The following GABBR2 variants were observed in gnomAD, a reference collection of about 807,000 sequenced individuals.
GABBR2 encodes gamma-aminobutyric acid type B receptor subunit 2.
Under a neutral mutation model 105.6 loss-of-function variants are expected in GABBR2, and 23 were observed. That is an observed-to-expected ratio of 0.22 (90% CI 0.16 to 0.31). The LOEUF is 0.31. GABBR2 is among the 10% of genes least tolerant of loss of function. The pLI, the probability that GABBR2 is intolerant of heterozygous loss-of-function variation, is 1.00. For missense variants in GABBR2, 734 were observed against 1,245.5 expected (o/e 0.59, Z 6.18); for synonymous variants, 478 against 499.7 (o/e 0.96, Z 0.58).
At position 98,371,577 on chromosome 9, in the gene GABBR2, G is replaced by A. The variant is rs1831783324; in HGVS notation, c.1663-6C>T. The A allele has an allele frequency of 1.3e-6, 2 of 1,554,630 alleles. No homozygotes were observed. Among genetic ancestry groups the A allele is most frequent in the South Asian group, 1.1e-5 (1 of 89,812 alleles). On this transcript the variant is annotated splice_region_variant and splice_polypyrimidine_tract_variant and intron_variant, in intron 11 of 18. Transcript: ENST00000259455. ...GTGAGAATCCAGGTCCTGACCTAGA[G>A]GCCATGAGAAAACAGAGGCATTGAC...
intron 1 of GABBR2, among the ~76,000 whole-genome samples, chr9:98,583,013 G>A (rs1008135015): frequency 2.6e-5 from 4 of 152,108 alleles, no homozygotes; most frequent in East Asian, 3.9e-4. Flanking sequence ...CTCAACCGAA[G>A]AGAAGGTTAA....
intron 1 of GABBR2, among the ~76,000 whole-genome samples, chr9:98,657,604 G>A (rs1191952316): frequency 1.3e-5 from 2 of 152,188 alleles, no homozygotes; most frequent in Non-Finnish European, 2.9e-5. Flanking sequence ...CAGGGTGAGG[G>A]CCAACTCAGG....
At chr9:98,590,665 C>T (rs1020834965) in intron 1 of GABBR2, among the ~76,000 whole-genome samples, 5 of 152,230 alleles carry the variant, frequency 3.3e-5, no homozygotes, top group Non-Finnish European at 5.9e-5. Context: ...GGGGCTGGAT[C>T]GCCCTCTTAA....
At chr9:98,506,496 G>C (rs1173529989) in intron 3 of GABBR2, among the ~76,000 whole-genome samples, 4 of 152,198 alleles carry the variant, frequency 2.6e-5, no homozygotes, top group African/African-American at 7.2e-5. Context: ...TCGCAGGGAT[G>C]AGGCAACTTC....
chr9:98,586,292 T>C (rs887829510), intron 1 of GABBR2, among the ~76,000 whole-genome samples: 3 of 150,344 alleles, frequency 2.0e-5, no homozygotes, highest in Non-Finnish European at 4.4e-5. Context: ...TTCTTTTTTT[T>C]TTTTTTTTTT....
chr9:98,306,067 C>T lies in GABBR2; in HGVS notation c.2229+54G>A, dbSNP rs1221810174. The T allele has an allele frequency of 8.4e-7, 1 of 1,188,584 alleles. No individual in the cohort carries two copies. Among genetic ancestry groups the T allele is most frequent in the Non-Finnish European group, 1.2e-6 (1 of 802,696 alleles). The allele number at this position is 1,188,584 out of a possible 1,614,324, so 73.6% of individuals were successfully genotyped here. A position where few individuals can be genotyped will look rare whatever the true frequency, so the allele number is the denominator to read the frequency against. On this transcript the variant is annotated intron_variant, in intron 15 of 18. Coordinates refer to ENST00000259455, the MANE Select transcript of GABBR2 (RefSeq NM_005458.8). This position sits in a 1 kb window ranked among gnomAD's most constrained non-coding sequence, Gnocchi z 5.4. ...AGAGAATGGAGAAAAGCCAGCAATG[C>T]CCCTGTGCTGGAGTCAGAGGGCAGA...
chr9:98,309,124 A>G (rs1226866779), intron 14 of GABBR2, among the ~76,000 whole-genome samples: 2 of 152,186 alleles, frequency 1.3e-5, no homozygotes, highest in Non-Finnish European at 2.9e-5. Context: ...AAGGGCCAGG[A>G]GGCTGGGGAC....
intron 1 of GABBR2, among the ~76,000 whole-genome samples, chr9:98,592,727 C>G (rs1361155133): frequency 6.6e-6 from 1 of 152,144 alleles, no homozygotes. Flanking sequence ...AGATTCTAAT[C>G]CTGAGAATCC....
intron 1 of GABBR2, among the ~76,000 whole-genome samples, chr9:98,656,482 G>A (rs1830185657): frequency 1.3e-5 from 2 of 152,098 alleles, no homozygotes; most frequent in Non-Finnish European, 2.9e-5. Flanking sequence ...TAATAAGTGG[G>A]CAAGTACTTC....
chr9:98,321,002 A>G (rs1205731096), intron 13 of GABBR2, among the ~76,000 whole-genome samples: 1 of 152,092 alleles, frequency 6.6e-6, no homozygotes, highest in Non-Finnish European at 1.5e-5. Flanking sequence ...TAAATAAATA[A>G]AATAAAATTC....
In GABBR2 at chr9:98,306,207, C is replaced by T; in HGVS notation, c.2143G>A (p.Asp715Asn). The change falls in exon 15 of 19, where the codon GAC becomes AAC. Residue 715 changes from aspartate to asparagine, a missense_variant. By Grantham distance (23) the Asp-to-Asn change is conservative (BLOSUM62 1). Around this residue, in one of 7 missense-constraint regions of GABBR2, gnomAD observed 91 missense variants for 185.9 expected, o/e 0.49. Transcript: ENST00000259455. The surrounding 1 kb of genome is among the most constrained non-coding windows in gnomAD (Gnocchi z 5.4). ...ATGCAGAACTGCACATTGGGCTGGT[C>T]CCGGGTCAGGAAGGAGACAGCGGCC... Reference protein sequence around the residue: ...IGAAVSFLTRDQPNVQFCIVA... With the variant: ...IGAAVSFLTRNQPNVQFCIVA... 1 of 1,614,144 alleles carries T rather than the reference C, an allele frequency of 6.2e-7. No homozygotes were observed. The highest frequency in any genetic ancestry group is 8.5e-7 in the Non-Finnish European group (1 of 1,180,004).
chr9:98,459,825 G>A (rs1024717016), intron 6 of GABBR2, among the ~76,000 whole-genome samples: 12 of 152,174 alleles, frequency 7.9e-5, no homozygotes, highest in Non-Finnish European at 1.6e-4. Flanking sequence ...AACTGAAACC[G>A]AACCTGGAAT....
chr9:98,419,806 T>G (rs1400411893), intron 7 of GABBR2, among the ~76,000 whole-genome samples: 1 of 152,138 alleles, frequency 6.6e-6, no homozygotes, highest in African/African-American at 2.4e-5. Flanking sequence ...ATATCTTGCA[T>G]GGATCAATGT....
intron 1 of GABBR2, among the ~76,000 whole-genome samples, chr9:98,665,224 G>A (rs368848781): frequency 1.5e-4 from 23 of 152,080 alleles, no homozygotes; most frequent in East Asian, 1.9e-4. Flanking sequence ...AACCATGATC[G>A]TTCCACTGCA....
intron 5 of GABBR2, among the ~76,000 whole-genome samples, chr9:98,474,143 TC>T (rs1410767890): frequency 6.6e-6 from 1 of 152,212 alleles, no homozygotes; most frequent in Non-Finnish European, 1.5e-5. Flanking sequence ...TTTATCATCC[TC>T]ATTCTAGAGA....
chr9:98,608,063 A>C, intron 1 of GABBR2: 1 of 1,313,674 alleles, frequency 7.6e-7, no homozygotes, highest in East Asian at 2.3e-5. Flanking sequence ...GGGAAGCTCA[A>C]CAACGTATTT....
intron 1 of GABBR2, among the ~76,000 whole-genome samples, chr9:98,634,544 A>G (rs1829853908): frequency 6.6e-6 from 1 of 152,144 alleles, no homozygotes; most frequent in Non-Finnish European, 1.5e-5. Context: ...ATGGTGCCAC[A>G]AGCCAAAGAA....
At chr9:98,618,518 C>CTCTG (rs935724469) in intron 1 of GABBR2, among the ~76,000 whole-genome samples, 1 of 146,138 alleles carries the variant, frequency 6.8e-6, no homozygotes, top group South Asian at 2.2e-4. Context: ...CTCTCTCTCT[C>CTCTG]TCTGTCTCTC....
intron 13 of GABBR2, among the ~76,000 whole-genome samples, chr9:98,332,072 GA>G (rs1260425118): frequency 3.9e-5 from 6 of 152,166 alleles, no homozygotes; most frequent in Admixed American, 1.3e-4. Context: ...CATGGGGTAT[GA>G]AGGAGCCGAG....
Sources: allele counts gnomAD v4.1 joint callset (sites outside exome capture counted in the v4.1 genomes callset), GRCh38; gene constraint gnomAD v4.1.1; regional missense constraint gnomAD v4.1.1; non-coding constraint Gnocchi (gnomAD v3.1); transcripts MANE v1.5; gene names NCBI Gene and HGNC (gene_info 2026-07-23, HGNC 2026-07-21).